RANBP17: variants seen among roughly 807,000 people sequenced by gnomAD.
The protein encoded by RANBP17 is RAN binding protein 17.
Under a neutral mutation model 141.2 loss-of-function variants are expected in RANBP17, and 158 were observed. That is an observed-to-expected ratio of 1.12 (90% CI 0.98 to 1.28). The LOEUF is 1.28. Among genes scored for constraint, RANBP17 ranks in the 50% most tolerant of loss-of-function variants. The probability of loss-of-function intolerance (pLI) is 0.00; values close to 1 mark genes in which losing one functional copy is unlikely to be tolerated. For missense variants in RANBP17, 1,438 were observed against 1,290.7 expected, an observed-to-expected ratio of 1.11 and a Z score of -1.75; for synonymous variants, 430 against 450.0, an observed-to-expected ratio of 0.96 and a Z score of 0.56.
At chr5:170,997,318 G>A (rs751916735) in intron 14 of RANBP17, among the ~76,000 whole-genome samples, 26 of 152,222 alleles carry the variant, frequency 1.7e-4, no homozygotes, top group Non-Finnish European at 3.1e-4. Context: ...ACTAATACAC[G>A]GAGTGGAGGG....
At chr5:171,227,174 A>G (rs951935903) in intron 22 of RANBP17, among the ~76,000 whole-genome samples, 4 of 152,234 alleles carry the variant, frequency 2.6e-5, no homozygotes, top group African/African-American at 9.6e-5. Context: ...CTTAGCGAAG[A>G]AGGCATGTCA....
At chr5:171,092,672 C>G (rs1786390352) in intron 14 of RANBP17, among the ~76,000 whole-genome samples, 2 of 152,130 alleles carry the variant, frequency 1.3e-5, no homozygotes. Context: ...GTCACCTATT[C>G]TTATTTTTCC....
intron 25 of RANBP17, among the ~76,000 whole-genome samples, chr5:171,271,777 T>C (rs1332004295): frequency 6.6e-6 from 1 of 152,202 alleles, no homozygotes; most frequent in East Asian, 1.9e-4. Flanking sequence ...GACACTGAAA[T>C]TGGAAAATAG....
chr5:171,220,455 T>C (rs962271983), intron 21 of RANBP17, among the ~76,000 whole-genome samples: 4 of 143,146 alleles, frequency 2.8e-5, no homozygotes, highest in African/African-American at 1.0e-4. Flanking sequence ...TTTTTTTTTT[T>C]TTTTTTTTTT....
intron 12 of RANBP17, chr5:170,924,864 C>A (rs2127446858): frequency 5.3e-6 from 1 of 187,942 alleles, no homozygotes; most frequent in Non-Finnish European, 1.1e-5. Context: ...TTCTTCTTTG[C>A]TATACTTGAT....
At chr5:171,053,997 GTCTT>G (rs1783171345) in intron 14 of RANBP17, among the ~76,000 whole-genome samples, 2 of 147,606 alleles carry the variant, frequency 1.4e-5, no homozygotes, top group Admixed American at 1.4e-4. Flanking sequence ...TTATCAATAT[GTCTT>G]TCTTTGTCTC....
intron 24 of RANBP17, among the ~76,000 whole-genome samples, chr5:171,251,561 C>A (rs970366716): frequency 1.3e-5 from 2 of 151,154 alleles, no homozygotes; most frequent in Non-Finnish European, 1.5e-5. Flanking sequence ...AAAAAAACTT[C>A]TTGAAACAAA....
At chr5:171,006,684 A>G (rs952614307) in intron 14 of RANBP17, among the ~76,000 whole-genome samples, 1 of 151,678 alleles carries the variant, frequency 6.6e-6, no homozygotes, top group Admixed American at 6.6e-5. Context: ...AACATGGCAC[A>G]TGTATACATA....
intron 14 of RANBP17, among the ~76,000 whole-genome samples, chr5:171,026,397 C>T (rs951291891): frequency 1.3e-5 from 2 of 152,178 alleles, no homozygotes; most frequent in African/African-American, 4.8e-5. Flanking sequence ...TCTATATGCT[C>T]TTATACTCTA....
intron 14 of RANBP17, among the ~76,000 whole-genome samples, chr5:171,072,058 G>T (rs1784665234): frequency 6.6e-6 from 1 of 152,064 alleles, no homozygotes; most frequent in South Asian, 2.1e-4. Context: ...GTGATAGGAA[G>T]AATAATGCCC....
chr5:170,989,443 T>A (rs192179791), intron 14 of RANBP17, among the ~76,000 whole-genome samples: 334 of 151,952 alleles, frequency 2.2e-3, no homozygotes, highest in Non-Finnish European at 3.6e-3. Flanking sequence ...GATCCTTTAA[T>A]GTCAAATGTT....
At position 171,243,009 on chromosome 5, in the gene RANBP17, T is replaced by G. The variant is rs548307132; in HGVS notation, c.2776+189T>G. On this transcript the variant is annotated intron_variant, in intron 24 of 27. Transcript: ENST00000523189. ...ATATTTTGATACATAGTCAGTTATG[T>G]TTTAATCAGCTTTACTGAGGTATAA... 5.6e-5 allele frequency: 34 copies of G among 605,258 alleles called. No homozygotes were observed. The South Asian group carries it at 6.9e-4, about 12-fold the overall frequency. The allele number at this position is 605,258 out of a possible 1,614,324, so 37.5% of individuals were successfully genotyped here. A position where few individuals can be genotyped will look rare whatever the true frequency, so the allele number is the denominator to read the frequency against.
chr5:171,155,094 AATATAT>A (rs1554106866), intron 14 of RANBP17, among the ~76,000 whole-genome samples: 15 of 74,956 alleles, frequency 2.0e-4, no homozygotes, highest in African/African-American at 6.8e-4. Context: ...AAAAAAAAAA[AATATAT>A]ATATATATAT....
At chr5:170,880,985 A>G (rs1768614535) in intron 2 of RANBP17, among the ~76,000 whole-genome samples, 2 of 152,358 alleles carry the variant, frequency 1.3e-5, no homozygotes, top group South Asian at 2.1e-4. Flanking sequence ...CAATTCTGCC[A>G]TCGTGGCATG....
At chr5:171,223,975 C>T (rs188641062) in intron 22 of RANBP17, among the ~76,000 whole-genome samples, 162 of 152,294 alleles carry the variant, frequency 1.1e-3, no homozygotes, top group Non-Finnish European at 1.5e-3. Flanking sequence ...TACCTACTGA[C>T]TTATCTGCCT....
chr5:171,138,646 A>G (rs144653626), intron 14 of RANBP17, among the ~76,000 whole-genome samples: 2 of 152,078 alleles, frequency 1.3e-5, no homozygotes, highest in African/African-American at 4.8e-5. Flanking sequence ...GCTTCTTCCT[A>G]TTTCCCCAAC....
At chr5:171,141,363 G>A (rs1261515270) in intron 14 of RANBP17, among the ~76,000 whole-genome samples, 1 of 151,556 alleles carries the variant, frequency 6.6e-6, no homozygotes, top group Non-Finnish European at 1.5e-5. Flanking sequence ...TTGGGAGGCC[G>A]AGGTGGGCGG....
chr5:171,053,464 T>C (rs1783102827), intron 14 of RANBP17, among the ~76,000 whole-genome samples: 1 of 152,288 alleles, frequency 6.6e-6, no homozygotes, highest in South Asian at 2.1e-4. Context: ...TTCCTAGATA[T>C]TGTATCCTTT....
At chr5:170,910,756 T>G in intron 6 of RANBP17, 2 of 495,532 alleles carry the variant, frequency 4.0e-6, no homozygotes, top group Non-Finnish European at 3.6e-6. Context: ...AGAGTTCTGA[T>G]TGCCTTTATT....
Sources: allele counts gnomAD v4.1 joint callset (sites outside exome capture counted in the v4.1 genomes callset), GRCh38; gene constraint gnomAD v4.1.1; transcripts MANE v1.5; gene names NCBI Gene and HGNC (gene_info 2026-07-23, HGNC 2026-07-21).